The following PVT1 variants were observed in gnomAD, a reference collection of about 807,000 sequenced individuals.
PVT1 encodes the protein Pvt1 oncogene.
At chr8:127,991,299 C>A (rs374208870) in intron 4 of PVT1, among the ~76,000 whole-genome samples, 2 of 152,068 alleles carry the variant, frequency 1.3e-5, no homozygotes, top group Admixed American at 6.5e-5. Flanking sequence ...CCCACCACCA[C>A]GCCTGGCTAC....
At chr8:127,858,737 C>G (rs55789181) in intron 2 of PVT1, among the ~76,000 whole-genome samples, 2 of 143,088 alleles carry the variant, frequency 1.4e-5, no homozygotes. Context: ...GCAAGCAGTT[C>G]TGTGACTTTC....
chr8:127,844,473 C>A (rs754991748), intron 2 of PVT1, among the ~76,000 whole-genome samples: 17 of 152,188 alleles, frequency 1.1e-4, no homozygotes, highest in South Asian at 2.1e-4. Flanking sequence ...ACCCATTCCT[C>A]TACAACCCAC....
chr8:127,897,756 C>T (rs1302400563), intron 3 of PVT1, among the ~76,000 whole-genome samples: 3 of 144,604 alleles, frequency 2.1e-5, no homozygotes, highest in Non-Finnish European at 1.5e-5. Context: ...TTATTCTGTC[C>T]TCTGAACCTG....
intron 2 of PVT1, among the ~76,000 whole-genome samples, chr8:127,812,007 C>T (rs1416227355): frequency 7.3e-5 from 11 of 151,146 alleles, no homozygotes; most frequent in African/African-American, 1.2e-4. Context: ...TTTGGGAGGC[C>T]GAGGCGGGAG....
In PVT1 at chr8:127,985,482, A is replaced by G. The variant is rs537431639; in HGVS notation, n.783-3680A>G. On this transcript the variant is annotated intron_variant and non_coding_transcript_variant, in intron 3 of 10. Transcript: ENST00000651587. ...TCGATTTACAGATGAAGACCAGAGA[A>G]GCTAGGCTGACTTCCCATGTTGACA... Among the ~76,000 whole-genome samples, 258 of 151,842 alleles carry G rather than the reference A, an allele frequency of 1.7e-3. 2 individuals carry two copies. Among genetic ancestry groups the G allele is most frequent in the African/African-American group, 6.1e-3 (252 of 41,322 alleles).
At chr8:127,891,264 C>T (rs1253504669) in intron 3 of PVT1, among the ~76,000 whole-genome samples, 1 of 152,192 alleles carries the variant, frequency 6.6e-6, no homozygotes, top group East Asian at 1.9e-4. Flanking sequence ...GCTGTTGGTT[C>T]TGTGTCCTTA....
intron 2 of PVT1, among the ~76,000 whole-genome samples, chr8:127,885,561 C>T (rs541961972): frequency 4.0e-4 from 61 of 152,268 alleles, no homozygotes; most frequent in African/African-American, 1.2e-3. Flanking sequence ...TATAAGGGCA[C>T]TAAGCCCTCC....
At chr8:128,039,370 C>A (rs1217544960) in intron 4 of PVT1, among the ~76,000 whole-genome samples, 1 of 152,236 alleles carries the variant, frequency 6.6e-6, no homozygotes, top group African/African-American at 2.4e-5. Context: ...GAGACAATTT[C>A]TACCCTGTGC....
chr8:127,798,042 C>T (rs979137193), intron 2 of PVT1, among the ~76,000 whole-genome samples: 1 of 152,152 alleles, frequency 6.6e-6, no homozygotes, highest in Non-Finnish European at 1.5e-5. Flanking sequence ...GTGGCTCACA[C>T]CTGTAATCCC....
At chr8:128,019,480 C>A (rs1445038370) in intron 4 of PVT1, among the ~76,000 whole-genome samples, 1 of 152,192 alleles carries the variant, frequency 6.6e-6, no homozygotes, top group African/African-American at 2.4e-5. Context: ...TGAAATCCCA[C>A]CGCAGCCGAT....
intron 3 of PVT1, among the ~76,000 whole-genome samples, chr8:127,980,146 C>T (rs1036076473): frequency 1.3e-5 from 2 of 152,072 alleles, no homozygotes; most frequent in East Asian, 1.9e-4. Flanking sequence ...CCTCCTGAAG[C>T]GCTGGGATTA....
chr8:127,937,139 C>G (rs1169736293), intron 3 of PVT1, among the ~76,000 whole-genome samples: 1 of 152,206 alleles, frequency 6.6e-6, no homozygotes, highest in Non-Finnish European at 1.5e-5. Flanking sequence ...CTGTGGGCAC[C>G]CTCTTTACCT....
intron 4 of PVT1, among the ~76,000 whole-genome samples, chr8:128,014,568 G>A (rs780327856): frequency 7.2e-5 from 11 of 152,186 alleles, no homozygotes; most frequent in South Asian, 2.1e-4. Flanking sequence ...GTGTCTGGCC[G>A]TGGGCGGTGC....
chr8:127,925,446 G>C (rs1481394113), intron 3 of PVT1, among the ~76,000 whole-genome samples: 5 of 152,228 alleles, frequency 3.3e-5, no homozygotes, highest in African/African-American at 4.8e-5. Flanking sequence ...GAAAGATCTA[G>C]AAGGTTATCT....
intron 3 of PVT1, among the ~76,000 whole-genome samples, chr8:127,951,818 C>CT (rs142500841): frequency 2.1e-3 from 307 of 144,750 alleles, no homozygotes; most frequent in African/African-American, 5.8e-3. Context: ...AACAGAATTC[C>CT]TTTTTTTTTT....
chr8:127,902,825 C>T (rs79110370), intron 3 of PVT1, among the ~76,000 whole-genome samples: 2 of 152,146 alleles, frequency 1.3e-5, no homozygotes, highest in African/African-American at 2.4e-5. Flanking sequence ...TTTTCTTTAT[C>T]CAGTCCACCA....
chr8:127,986,875 G>A (rs903967922), intron 3 of PVT1, among the ~76,000 whole-genome samples: 2 of 152,200 alleles, frequency 1.3e-5, no homozygotes, highest in African/African-American at 4.8e-5. Flanking sequence ...TGGCTGCCTT[G>A]GAAAGAGGTT....
At chr8:127,918,051 G>A (rs1366526925) in intron 3 of PVT1, among the ~76,000 whole-genome samples, 1 of 152,280 alleles carries the variant, frequency 6.6e-6, no homozygotes, top group Non-Finnish European at 1.5e-5. Context: ...CCTGATGAAA[G>A]TAGTTGACAT....
chr8:127,984,816 C>T (rs191316579), intron 3 of PVT1, among the ~76,000 whole-genome samples: 7 of 146,566 alleles, frequency 4.8e-5, no homozygotes, highest in African/African-American at 1.5e-4. Flanking sequence ...CCATGTTGGC[C>T]AGGCTGGTTT....
Sources: gnomAD v4.1 joint callset for allele counts (sites outside exome capture counted in the v4.1 genomes callset) on GRCh38, gnomAD v4.1.1 for gene constraint, MANE v1.5 for transcripts, NCBI Gene and HGNC (gene_info 2026-07-23, HGNC 2026-07-21) for gene names.